Variants in UFD1 observed in about 807,000 individuals in gnomAD.
UFD1 encodes ubiquitin recognition factor in ER-associated degradation protein 1.
A neutral mutation model predicts 45.9 loss-of-function variants in UFD1; 13 were observed. The observed-to-expected ratio is 0.28, with a 90% CI of 0.18 to 0.45. The LOEUF is 0.45. UFD1 is among the 20% of genes least tolerant of loss of function. The pLI is 1.00. For synonymous variants in UFD1, 128 were observed against 139.2 expected (o/e 0.92, Z 0.56); for missense variants, 218 against 389.2 (o/e 0.56, Z 3.70).
chr22:19,459,126 T>C (rs1037076197), intron 6 of UFD1, among the ~76,000 whole-genome samples: 5 of 152,228 alleles, frequency 3.3e-5, no homozygotes, highest in African/African-American at 1.2e-4. Flanking sequence ...CATAATAAAG[T>C]TGAAAAATTC....
At chr22:19,471,921 C>G (rs2089849164) in intron 3 of UFD1, 113 bp from the exon 4 acceptor site, 2 of 1,431,866 alleles carry the variant, frequency 1.4e-6, no homozygotes, top group African/African-American at 1.4e-5. Context: ...CCCCACACTC[C>G]TCTGGCAGAT....
chr22:19,470,531 T>C (rs145349804), intron 4 of UFD1: 2 of 347,614 alleles, frequency 5.8e-6, no homozygotes, highest in East Asian at 1.5e-4. Flanking sequence ...AACCTAAGCC[T>C]CCTGGGTTTA....
chr22:19,451,901 C>T, intron 11 of UFD1: 1 of 985,454 alleles, frequency 1.0e-6, no homozygotes, highest in Non-Finnish European at 1.2e-6. Context: ...TCTCTAGGTG[C>T]CGTACATGTT....
chr22:19,469,992 T>C (rs1017662190), intron 4 of UFD1: 2 of 518,660 alleles, frequency 3.9e-6, no homozygotes, highest in African/African-American at 1.9e-5. Flanking sequence ...CCTCCTCTTA[T>C]AGGTGAGCCA....
chr22:19,459,380 C>T (rs1445876348), intron 6 of UFD1, among the ~76,000 whole-genome samples: 2 of 152,086 alleles, frequency 1.3e-5, no homozygotes, highest in African/African-American at 4.8e-5. Flanking sequence ...TTTGGGAGGC[C>T]GAGGAGGGCA....
intron 6 of UFD1, among the ~76,000 whole-genome samples, chr22:19,462,439 A>T (rs958644380): frequency 2.0e-5 from 3 of 151,886 alleles, no homozygotes; most frequent in African/African-American, 7.3e-5. Context: ...GCTGAGGCTG[A>T]TGGCTCACCT....
chr22:19,465,341 T>C (rs2089794621), intron 5 of UFD1, 67 bp from the exon 6 acceptor site: 9 of 1,389,552 alleles, frequency 6.5e-6, no homozygotes, highest in Non-Finnish European at 9.2e-6. Context: ...AGTTTCCATG[T>C]TAGATGATTA....
At chr22:19,468,038 AG>A (rs1601897551) in intron 4 of UFD1, 35 bp from the exon 5 acceptor site, 14 of 1,611,344 alleles carry the variant, frequency 8.7e-6, no homozygotes, top group Non-Finnish European at 1.0e-5. Flanking sequence ...AGACTCCTAG[AG>A]ATGAAGCAGC....
chr22:19,479,130 C>T lies in UFD1; in HGVS notation c.-45G>A, dbSNP rs771462757. ...ACTCCGCTCCTCTCAGGCAATGCAA[C>T]GAAGAAACCCCGCCGACCGCTCTCC... On this transcript the variant is annotated 5_prime_UTR_variant, in exon 1 of 12. Coordinates refer to ENST00000263202, the MANE Select transcript of UFD1 (RefSeq NM_005659.7). 2.6e-5 allele frequency: 41 copies of T among 1,606,850 alleles called. No individual in the cohort carries two copies. Among genetic ancestry groups the T allele is most frequent in the Non-Finnish European group, 3.3e-5 (39 of 1,177,528 alleles).
chr22:19,474,514 C>T (rs1475798648), intron 3 of UFD1, among the ~76,000 whole-genome samples: 1 of 151,938 alleles, frequency 6.6e-6, no homozygotes, highest in Non-Finnish European at 1.5e-5. Context: ...CCACTGCACT[C>T]CAGCCTGGGC....
chr22:19,455,720 C>A lies in UFD1; in HGVS notation c.727G>T (p.Glu243Ter). 1 of 1,614,106 alleles carries A rather than the reference C, an allele frequency of 6.2e-7. No homozygotes were observed. The highest frequency in any genetic ancestry group is 1.3e-5 in the African/African-American group (1 of 75,036). Residue 243 changes from glutamate (E) to a stop codon, truncating the protein, a stop_gained, in exon 10 of 12, where the codon GAG (glutamate) becomes TAG (stop). Coordinates refer to ENST00000263202, the MANE Select transcript of UFD1 (RefSeq NM_005659.7). LOFTEE classifies it high-confidence loss of function. ...GGCTTGATTGGGGAGGGGCTGGGCT[C>A]TACCCCTTTCTTCTTTCCATCCAGT... ...NRLDGKKKGV[E>*]PSPSPIKPGD...
At chr22:19,465,173 C>T in intron 6 of UFD1, 29 bp downstream of exon 6, 1 of 1,611,406 alleles carries the variant, frequency 6.2e-7, no homozygotes, top group Non-Finnish European at 8.5e-7. Flanking sequence ...TGGCTCTTGT[C>T]AGGAATGACC....
In UFD1 at chr22:19,467,845, A is replaced by C. The variant is rs1049593955; in HGVS notation, c.422+28T>G. 3 of 1,612,806 alleles carry C rather than the reference A, an allele frequency of 1.9e-6. No individual in the cohort carries two copies. The Admixed American group carries it at 5.0e-5, about 27-fold the overall frequency. ...CGCCAGCACACTCTCCTTTGTCTAG[A>C]AGAACTCCGCTTATTTGAAAAAGAT... On this transcript the variant is annotated intron_variant, in intron 5 of 11. Coordinates refer to ENST00000263202, the MANE Select transcript of UFD1 (RefSeq NM_005659.7).
chr22:19,475,042 C>T, intron 3 of UFD1, 26 bp downstream of exon 3: 1 of 1,605,868 alleles, frequency 6.2e-7, no homozygotes, highest in Non-Finnish European at 8.5e-7. Context: ...TTATCTAAGT[C>T]CTTAAGTCAC....
chr22:19,477,715 G>A (rs1283662994), intron 1 of UFD1, among the ~76,000 whole-genome samples: 3 of 151,918 alleles, frequency 2.0e-5, no homozygotes, highest in Admixed American at 1.3e-4. Flanking sequence ...CTGTATTAGA[G>A]AAAATTTCTT....
At chr22:19,459,735 C>CTT (rs35629488) in intron 6 of UFD1, among the ~76,000 whole-genome samples, 54 of 88,984 alleles carry the variant, frequency 6.1e-4, no homozygotes, top group East Asian at 1.0e-3. Flanking sequence ...GTCTGTCTTG[C>CTT]TTTTTTTTTT....
chr22:19,451,498 G>C (rs978353565), intron 11 of UFD1: 1 of 985,210 alleles, frequency 1.0e-6, no homozygotes, highest in African/African-American at 1.7e-5. Flanking sequence ...CAGAAAGAGG[G>C]ATTGTTTTTT....
At chr22:19,477,834 A>C (rs2089897362) in intron 1 of UFD1, among the ~76,000 whole-genome samples, 2 of 152,202 alleles carry the variant, frequency 1.3e-5, no homozygotes, top group Non-Finnish European at 2.9e-5. Context: ...CCAAAATGCA[A>C]ACATAGCATG....
At chr22:19,456,384 G>A in intron 9 of UFD1, 1 of 653,496 alleles carries the variant, frequency 1.5e-6, no homozygotes, top group South Asian at 1.9e-5. Flanking sequence ...GCTGCCTTAT[G>A]GGGCTGTTGG....
Sources: gnomAD v4.1 joint callset for allele counts (sites outside exome capture counted in the v4.1 genomes callset) on GRCh38, gnomAD v4.1.1 for gene constraint, MANE v1.5 for transcripts, NCBI Gene and HGNC (gene_info 2026-07-23, HGNC 2026-07-21) for gene names.